CCDC7: variants seen among roughly 807,000 people sequenced by gnomAD.
The protein encoded by CCDC7 is coiled-coil domain containing 7.
CCDC7 carries 183 observed loss-of-function variants against 196.9 expected under a neutral mutation model. The observed-to-expected ratio is 0.93, with a 90% CI of 0.82 to 1.05. The LOEUF is 1.05. Among genes scored for constraint, CCDC7 ranks in the 50% least tolerant of loss-of-function variants. The pLI is 0.00. For missense variants in CCDC7, 1,540 were observed against 1,482.2 expected, an observed-to-expected ratio of 1.04 and a Z score of -0.64; for synonymous variants, 525 against 484.6, an observed-to-expected ratio of 1.08 and a Z score of -1.10.
rs561230240 is a variant in CCDC7 at position 32,803,852 on chromosome 10, T to C, written c.3014-1163T>C. Reference sequence around the variant, plus strand: ...ATTGGTGGCTTTTTATATTCGTCTTTTCATTTGTGTGTCCCTCTTCCAGTA... The same window carrying C: ...ATTGGTGGCTTTTTATATTCGTCTTCTCATTTGTGTGTCCCTCTTCCAGTA... On this transcript the variant is annotated intron_variant, in intron 29 of 41. Transcript: ENST00000639629. Among the ~76,000 whole-genome samples, 5 of 152,284 alleles carry C rather than the reference T, an allele frequency of 3.3e-5. No individual in the cohort carries two copies. The East Asian group carries it at 9.6e-4, about 29-fold the overall frequency.
intron 28 of CCDC7, among the ~76,000 whole-genome samples, chr10:32,762,343 G>T (rs895073270): frequency 6.6e-6 from 1 of 151,416 alleles, no homozygotes; most frequent in Non-Finnish European, 1.5e-5. Context: ...TTTATTCCTG[G>T]AAGTGGTTTG....
intron 23 of CCDC7, among the ~76,000 whole-genome samples, chr10:32,691,581 A>G (rs575450226): frequency 6.6e-6 from 1 of 152,322 alleles, no homozygotes; most frequent in East Asian, 1.9e-4. Context: ...TGAGCTAGTA[A>G]AGGCTATGAA....
chr10:32,496,637 T>G (rs951139099), intron 9 of CCDC7, among the ~76,000 whole-genome samples: 9 of 152,236 alleles, frequency 5.9e-5, no homozygotes, highest in African/African-American at 1.9e-4. Context: ...TTTCTGCATC[T>G]ATTTACATAA....
At chr10:32,637,550 C>G (rs1011928405) in intron 20 of CCDC7, among the ~76,000 whole-genome samples, 1 of 152,058 alleles carries the variant, frequency 6.6e-6, no homozygotes, top group Non-Finnish European at 1.5e-5. Flanking sequence ...AGATATGCGG[C>G]ATTATTTCTG....
intron 18 of CCDC7, among the ~76,000 whole-genome samples, chr10:32,613,470 G>A (rs1335233847): frequency 1.3e-5 from 2 of 151,964 alleles, no homozygotes; most frequent in African/African-American, 2.4e-5. Context: ...GAATTTGTTT[G>A]CTCTTGCTTC....
chr10:32,452,034 T>G (rs2033205004), intron 1 of CCDC7, 113 bp downstream of exon 2: 9 of 1,377,482 alleles, frequency 6.5e-6, no homozygotes, highest in Non-Finnish European at 8.6e-6. Flanking sequence ...TGGCTAAGAT[T>G]TATTACAGTA....
chr10:32,659,635 C>T (rs555958002), intron 20 of CCDC7, among the ~76,000 whole-genome samples: 13 of 152,134 alleles, frequency 8.5e-5, no homozygotes, highest in African/African-American at 2.9e-4. Context: ...TAAACAGCAA[C>T]AACAACAAAC....
At chr10:32,815,924 G>A (rs1333246870) in intron 31 of CCDC7, among the ~76,000 whole-genome samples, 2 of 152,170 alleles carry the variant, frequency 1.3e-5, no homozygotes, top group East Asian at 1.9e-4. Context: ...TGTGAGCAAC[G>A]CAGAAGATGG....
chr10:32,765,083 C>T (rs911878153), intron 28 of CCDC7, among the ~76,000 whole-genome samples: 2 of 151,874 alleles, frequency 1.3e-5, no homozygotes, highest in Admixed American at 6.6e-5. Context: ...ACAGTCATGG[C>T]CTCTCAATCA....
At chr10:32,836,200 CT>C (rs756676336) in intron 33 of CCDC7, among the ~76,000 whole-genome samples, 14 of 152,152 alleles carry the variant, frequency 9.2e-5, no homozygotes, top group South Asian at 2.1e-4. Flanking sequence ...AGAGAGCCCC[CT>C]GAAACCACTG....
At chr10:32,574,617 C>A in intron 16 of CCDC7, 1 of 557,800 alleles carries the variant, frequency 1.8e-6, no homozygotes, top group Non-Finnish European at 2.6e-6. Context: ...AATAGTTAAT[C>A]AAACAATAGA....
At chr10:32,614,810 C>A (rs1226392860) in intron 18 of CCDC7, among the ~76,000 whole-genome samples, 1 of 152,150 alleles carries the variant, frequency 6.6e-6, no homozygotes, top group Non-Finnish European at 1.5e-5. Context: ...TGATCTATCC[C>A]ACCCACTGCT....
chr10:32,876,491 C>A, downstream of CCDC7: 1 of 1,177,956 alleles, frequency 8.5e-7, no homozygotes, highest in Non-Finnish European at 1.3e-6. Flanking sequence ...ATAATACTGA[C>A]TCGTGTGGAT....
chr10:32,853,036 TG>T (rs2093621675), intron 40 of CCDC7, among the ~76,000 whole-genome samples: 1 of 152,302 alleles, frequency 6.6e-6, no homozygotes, highest in East Asian at 1.9e-4. Context: ...CTTCTCAAGC[TG>T]GGTTAGTCAT....
intron 25 of CCDC7, chr10:32,725,363 A>G (rs1450657534): frequency 2.1e-6 from 1 of 470,348 alleles, no homozygotes; most frequent in Non-Finnish European, 4.4e-6. Flanking sequence ...TGCCCCCAAC[A>G]CTCTTGCCCA....
chr10:32,659,332 G>C (rs1022558890), intron 20 of CCDC7, among the ~76,000 whole-genome samples: 1 of 151,958 alleles, frequency 6.6e-6, no homozygotes, highest in Non-Finnish European at 1.5e-5. Context: ...CCCACATTTT[G>C]AATTTTCTGA....
chr10:32,594,849 C>T (rs2060151914), intron 18 of CCDC7, among the ~76,000 whole-genome samples: 3 of 152,252 alleles, frequency 2.0e-5, no homozygotes, highest in South Asian at 2.1e-4. Context: ...TGATGGATTA[C>T]GTTTATTGAT....
At position 32,559,426 on chromosome 10, in the gene CCDC7, G is replaced by A. The variant is rs543795493; in HGVS notation, c.1135-6132G>A. On this transcript the variant is annotated intron_variant, in intron 13 of 41. Coordinates refer to ENST00000639629, the Ensembl canonical transcript of CCDC7. Reference sequence around the variant, plus strand: ...CAGCCTAACTGGGAGGCACCCCCCAGTAGGGGCAGACTGACACCTCACACG... The same window carrying A: ...CAGCCTAACTGGGAGGCACCCCCCAATAGGGGCAGACTGACACCTCACACG... Among the ~76,000 whole-genome samples, 3 of 152,336 alleles carry A rather than the reference G, an allele frequency of 2.0e-5. No individual in the cohort carries two copies. In the East Asian group the frequency reaches 5.8e-4, roughly 29 times the overall value.
At position 32,729,008 on chromosome 10, in the gene CCDC7, T is replaced by A; in HGVS notation, c.2779+11T>A. 6.7e-7 allele frequency: 1 copy of A among 1,493,662 alleles called. No individual in the cohort carries two copies. Among genetic ancestry groups the A allele is most frequent in the Non-Finnish European group, 9.3e-7 (1 of 1,077,664 alleles). 92.5% of individuals were successfully genotyped at this position (1,493,662 alleles called of 1,614,324 possible). The stretch of plus-strand genomic sequence containing the variant: ...TGGAAAGACACAAGAGTGAGTATAA[T>A]AATTATCGATAACTTTAAATTATTT... On this transcript the variant is annotated intron_variant, in intron 27 of 41. Transcript: ENST00000639629.
Sources: allele counts gnomAD v4.1 joint callset (sites outside exome capture counted in the v4.1 genomes callset), GRCh38; gene constraint gnomAD v4.1.1; transcripts MANE v1.5; gene names NCBI Gene and HGNC (gene_info 2026-07-23, HGNC 2026-07-21).